Variants in OGDH observed in about 807,000 individuals in gnomAD.
OGDH encodes the protein 2-oxoglutarate dehydrogenase complex component E1.
OGDH carries 38 observed loss-of-function variants against 116.6 expected under a neutral mutation model. The observed-to-expected ratio is 0.33, with a 90% CI of 0.25 to 0.43. The LOEUF (loss-of-function observed/expected upper bound fraction) is 0.43, where lower values mean the gene tolerates loss of function less well. OGDH is among the 20% of genes least tolerant of loss of function. The pLI is 1.00. For missense variants in OGDH, 825 were observed against 1,357.2 expected, an observed-to-expected ratio of 0.61 and a Z score of 6.16; for synonymous variants, 488 against 533.3, an observed-to-expected ratio of 0.92 and a Z score of 1.17.
At chr7:44,681,923 C>G (rs571397427) in intron 10 of OGDH, 75 bp downstream of exon 10, 3 of 1,546,958 alleles carry the variant, frequency 1.9e-6, no homozygotes, top group Non-Finnish European at 2.6e-6. Context: ...TCATTTAGGA[C>G]GTTCACTGTT....
chr7:44,656,283 T>G (rs1332931336), intron 4 of OGDH: 2 of 1,535,488 alleles, frequency 1.3e-6, no homozygotes, highest in African/African-American at 2.7e-5. Context: ...TTTTTCCTTC[T>G]GCGCTCACCC....
intron 17 of OGDH, 132 bp from the exon 18 acceptor site, chr7:44,698,060 G>A: frequency 9.6e-7 from 1 of 1,045,572 alleles, no homozygotes; most frequent in Non-Finnish European, 1.4e-6. Context: ...GGTGGGAGGG[G>A]GAAGGAACTG....
At chr7:44,625,294 T>G (rs1358710099) in intron 2 of OGDH, among the ~76,000 whole-genome samples, 2 of 152,056 alleles carry the variant, frequency 1.3e-5, no homozygotes, top group Admixed American at 6.6e-5. Context: ...CTGACTAGTT[T>G]TTGTATTTTT....
intron 10 of OGDH, among the ~76,000 whole-genome samples, chr7:44,689,773 G>A (rs538341968): frequency 6.6e-6 from 1 of 152,180 alleles, no homozygotes; most frequent in East Asian, 1.9e-4. Flanking sequence ...TTGTTGAGTT[G>A]TAAGAGTTCT....
chr7:44,648,122 A>G (rs770992099), intron 4 of OGDH, among the ~76,000 whole-genome samples: 2 of 152,300 alleles, frequency 1.3e-5, no homozygotes, highest in Non-Finnish European at 2.9e-5. Context: ...AGGCATGTCC[A>G]TGAGGCCTTG....
At chr7:44,689,107 G>A (rs574103488) in intron 10 of OGDH, among the ~76,000 whole-genome samples, 14 of 151,456 alleles carry the variant, frequency 9.2e-5, no homozygotes, top group African/African-American at 3.4e-4. Flanking sequence ...AGAATTGCTA[G>A]ATCATGTGGT....
chr7:44,693,863 C>T lies in OGDH; in HGVS notation c.1374C>T (p.Ser458=), dbSNP rs756685858. Residue 458 remains serine (S), a synonymous_variant, in exon 11 of 23, where the codon TCC becomes TCT. Transcript: ENST00000222673. ...CCGACCCTCGGATGGCCCGCTCCTC[C>T]CCCTACCCCACTGACGTGGCCCGAG... ...FTTDPRMARS[S]PYPTDVARVV... The T allele has an allele frequency of 1.2e-6, 2 of 1,609,884 alleles. No individual in the cohort carries two copies. Among genetic ancestry groups the T allele is most frequent in the Admixed American group, 3.3e-5 (2 of 59,850 alleles).
Position 44,697,905 on chromosome 7 carries a change from C to G in OGDH, c.2358+123C>G. 1.7e-6 allele frequency: 2 copies of G among 1,180,178 alleles called. No homozygotes were observed. The highest frequency in any genetic ancestry group is 3.1e-5 in the South Asian group (2 of 64,660). The allele number at this position is 1,180,178 out of a possible 1,614,324, so 73.1% of individuals were successfully genotyped here. A position where few individuals can be genotyped will look rare whatever the true frequency, so the allele number is the denominator to read the frequency against. ...CAGCCTCCTAAGGACTCTGCTGGTG[C>G]TTCCCATCCATCTCAGATGGGATGT... On this transcript the variant is annotated intron_variant, in intron 17 of 22. Coordinates refer to ENST00000222673, the MANE Select transcript of OGDH (RefSeq NM_002541.4). The surrounding 1 kb of genome is among the most constrained non-coding windows in gnomAD (Gnocchi z 6.0).
At chr7:44,621,226 AC>A (rs1487338937) in intron 1 of OGDH, among the ~76,000 whole-genome samples, 3 of 152,084 alleles carry the variant, frequency 2.0e-5, no homozygotes, top group Non-Finnish European at 4.4e-5. Flanking sequence ...GACATGTGCC[AC>A]CACACCCTGA....
At chr7:44,683,870 A>G (rs754388499) in intron 10 of OGDH, among the ~76,000 whole-genome samples, 14 of 152,184 alleles carry the variant, frequency 9.2e-5, no homozygotes, top group Non-Finnish European at 1.8e-4. Flanking sequence ...TGAAGTTTCC[A>G]TAACAGATAT....
Position 44,694,409 on chromosome 7 carries a change from C to T in OGDH, c.1516-15C>T, listed in dbSNP as rs373291046. On this transcript the variant is annotated splice_polypyrimidine_tract_variant and intron_variant, in intron 11 of 22. Transcript: ENST00000222673. The surrounding 1 kb of genome is among the most constrained non-coding windows in gnomAD (Gnocchi z 4.2). ...CCAGCCCTTGTCTCTGACATCCTCT[C>T]ACTGCTCTGAGCAGGTGTGTTACCG... 125 of 1,613,300 alleles carry T rather than the reference C, an allele frequency of 7.7e-5. No homozygotes were observed. Among genetic ancestry groups the T allele is most frequent in the Non-Finnish European group, 1.0e-4 (121 of 1,179,858 alleles).
rs753810746 is a variant in OGDH, at chr7:44,681,825, G to A, written c.1312G>A (p.Val438Met). Residue 438 changes from valine to methionine, a missense_variant, in exon 10 of 23, where the codon GTG (valine) becomes ATG (methionine). Transcript: ENST00000222673. Reference protein sequence around the residue: ...DLPSYTTHGTVHVVVNNQIGF... With the variant: ...DLPSYTTHGTMHVVVNNQIGF... ...GCCATCCTACACAACTCATGGCACCGTGCACGTGGTCGTCAACAACCAGGT... is the reference window on the plus strand; with the variant it reads ...GCCATCCTACACAACTCATGGCACCATGCACGTGGTCGTCAACAACCAGGT... 24 of 1,614,176 alleles carry A rather than the reference G, an allele frequency of 1.5e-5. No homozygotes were observed. The highest frequency in any genetic ancestry group is 8.8e-5 in the South Asian group (8 of 91,086).
chr7:44,612,341 A>G (rs994938285), intron 1 of OGDH, among the ~76,000 whole-genome samples: 2 of 151,270 alleles, frequency 1.3e-5, no homozygotes, highest in Non-Finnish European at 2.9e-5. Context: ...GATTTCTCTC[A>G]CTTCTTTTTC....
In OGDH at chr7:44,673,747, G is replaced by A. The variant is rs1787571381; in HGVS notation, c.634-40G>A. Reference sequence around the variant, plus strand: ...GGCAGTCTTCATTCAGCCAGGCCTGGTTAGAAATCCCCTTGACTGTGTGTT... The same window carrying A: ...GGCAGTCTTCATTCAGCCAGGCCTGATTAGAAATCCCCTTGACTGTGTGTT... On this transcript the variant is annotated intron_variant, in intron 5 of 22. Coordinates refer to ENST00000222673, the MANE Select transcript of OGDH (RefSeq NM_002541.4). 4 of 1,609,298 alleles carry A rather than the reference G, an allele frequency of 2.5e-6. No homozygotes were observed. In the East Asian group the frequency reaches 8.9e-5, roughly 36 times the overall value.
intron 9 of OGDH, among the ~76,000 whole-genome samples, chr7:44,677,801 G>A (rs1787764257): frequency 1.3e-5 from 2 of 151,862 alleles, no homozygotes; most frequent in African/African-American, 4.8e-5. Context: ...TTGAACCTGG[G>A]AGGCGGAGGT....
At chr7:44,615,397 A>C (rs181530321) in intron 1 of OGDH, among the ~76,000 whole-genome samples, 5 of 152,216 alleles carry the variant, frequency 3.3e-5, no homozygotes, top group Admixed American at 3.3e-4. Context: ...CTGCTTCATT[A>C]CTGCTGGATG....
At position 44,707,750 on chromosome 7, in the gene OGDH, C is replaced by T. The variant is rs377738475; in HGVS notation, c.2951+14C>T. 6.2e-7 allele frequency: 1 copy of T among 1,614,026 alleles called. No individual in the cohort carries two copies. The highest frequency in any genetic ancestry group is 1.1e-5 in the South Asian group (1 of 91,068). Reference sequence around the variant, plus strand: ...CAAGCCCGTCTGGTAAGGCTTCAGTCCCTGCCAGGAAGGCTGTGGGACCCT... The same window carrying T: ...CAAGCCCGTCTGGTAAGGCTTCAGTTCCTGCCAGGAAGGCTGTGGGACCCT... On this transcript the variant is annotated intron_variant, in intron 22 of 22. Coordinates refer to ENST00000222673, the MANE Select transcript of OGDH (RefSeq NM_002541.4). The surrounding 1 kb of genome is among the most constrained non-coding windows in gnomAD (Gnocchi z 5.2).
At position 44,661,764 on chromosome 7, in the gene OGDH, G is replaced by T. The variant is rs1786957078; in HGVS notation, c.518-4972G>T. ...TTATAGGTGCCTGCCACCACACCCA[G>T]ATAATTTTTTTGTATTTTTAGTAGA... is the stretch of plus-strand genomic sequence containing the variant. On this transcript the variant is annotated intron_variant, in intron 4 of 22. Coordinates refer to ENST00000222673, the MANE Select transcript of OGDH (RefSeq NM_002541.4). 2.0e-5 allele frequency among the ~76,000 whole-genome samples: 3 copies of T among 151,664 alleles called. No individual in the cohort carries two copies. The South Asian group carries it at 6.2e-4, about 31-fold the overall frequency.
chr7:44,677,878 GAAA>G (rs777625844), intron 9 of OGDH, among the ~76,000 whole-genome samples: 2 of 88,004 alleles, frequency 2.3e-5, no homozygotes, highest in Non-Finnish European at 2.4e-5. Context: ...CTTCTCAAAG[GAAA>G]AAAAAAAAAA....
Sources: gnomAD v4.1 joint callset for allele counts (sites outside exome capture counted in the v4.1 genomes callset) on GRCh38, gnomAD v4.1.1 for gene constraint, Gnocchi (gnomAD v3.1) non-coding constraint, MANE v1.5 for transcripts, NCBI Gene and HGNC (gene_info 2026-07-23, HGNC 2026-07-21) for gene names.